Variants in ADAMTS16 observed in about 807,000 individuals in gnomAD.
ADAMTS16 encodes the protein ADAM metallopeptidase with thrombospondin type 1 motif 16.
ADAMTS16 carries 94 observed loss-of-function variants against 145.8 expected under a neutral mutation model. That is an observed-to-expected ratio of 0.64 (90% CI 0.55 to 0.77). The LOEUF is 0.77. ADAMTS16 is among the 30% of genes least tolerant of loss of function. The pLI, the probability that ADAMTS16 is intolerant of heterozygous loss-of-function variation, is 0.00. For synonymous variants in ADAMTS16, 659 were observed against 604.3 expected (o/e 1.09, Z -1.33); for missense variants, 1,585 against 1,591.5 (o/e 1.00, Z 0.07).
chr5:5,267,140 A>T (rs914721582), intron 18 of ADAMTS16, among the ~76,000 whole-genome samples: 3 of 152,044 alleles, frequency 2.0e-5, no homozygotes, highest in Non-Finnish European at 4.4e-5. Context: ...CACTGCTCAA[A>T]CCTCTAGGGG....
At chr5:5,209,270 C>G in intron 10 of ADAMTS16, 24 bp downstream of exon 10, 1 of 1,611,344 alleles carries the variant, frequency 6.2e-7, no homozygotes, top group East Asian at 2.2e-5. Context: ...GGCACATGCT[C>G]AATGCAACAT....
At chr5:5,151,405 A>G (rs1049258530) in intron 3 of ADAMTS16, among the ~76,000 whole-genome samples, 1 of 151,346 alleles carries the variant, frequency 6.6e-6, no homozygotes, top group African/African-American at 2.4e-5. Context: ...TGCCCAGCAA[A>G]TTTTTTGTGT....
chr5:5,312,197 C>T (rs907709686), intron 21 of ADAMTS16, among the ~76,000 whole-genome samples: 18 of 152,168 alleles, frequency 1.2e-4, no homozygotes, highest in Admixed American at 5.9e-4. Flanking sequence ...GGGCCAGCTC[C>T]ACCTCTGCTT....
At chr5:5,244,733 G>C (rs543189964) in intron 17 of ADAMTS16, among the ~76,000 whole-genome samples, 1 of 152,158 alleles carries the variant, frequency 6.6e-6, no homozygotes, top group Non-Finnish European at 1.5e-5. Flanking sequence ...CGTGTTCTTC[G>C]AACTTCCTGT....
intron 9 of ADAMTS16, among the ~76,000 whole-genome samples, chr5:5,205,524 T>G (rs1235347057): frequency 6.6e-6 from 1 of 152,236 alleles, no homozygotes; most frequent in African/African-American, 2.4e-5. Flanking sequence ...GCACCCACAC[T>G]TTTGGTGGTT....
At chr5:5,289,616 T>C (rs1018561417) in intron 18 of ADAMTS16, among the ~76,000 whole-genome samples, 1 of 152,230 alleles carries the variant, frequency 6.6e-6, no homozygotes, top group Non-Finnish European at 1.5e-5. Flanking sequence ...TATGTCCAGT[T>C]CGATTATTTA....
At position 5,319,727 on chromosome 5, in the gene ADAMTS16, G is replaced by A. The variant is rs572022006; in HGVS notation, c.*589G>A. On this transcript the variant is annotated 3_prime_UTR_variant, in exon 23 of 23. Coordinates refer to ENST00000274181, the MANE Select transcript of ADAMTS16 (RefSeq NM_139056.4). ...ACCTGGAGCCACCGCCGGAGCCAGC[G>A]TCATCTCTAGGGTCACTGGCCAGGG... 24 of 367,624 alleles carry A rather than the reference G, an allele frequency of 6.5e-5. No individual in the cohort carries two copies. Among genetic ancestry groups the A allele is most frequent in the African/African-American group, 1.9e-4 (9 of 46,320 alleles). 22.8% of individuals were successfully genotyped at this position (367,624 alleles called of 1,614,324 possible). A position where few individuals can be genotyped will look rare whatever the true frequency, so the allele number is the denominator to read the frequency against.
At chr5:5,242,338 G>C in intron 17 of ADAMTS16, 147 bp downstream of exon 17, 1 of 1,137,970 alleles carries the variant, frequency 8.8e-7, no homozygotes, top group Non-Finnish European at 1.2e-6. Context: ...GGGAGTGGTG[G>C]TCCTGAGTGT....
chr5:5,168,411 T>C (rs1188898547), intron 3 of ADAMTS16, among the ~76,000 whole-genome samples: 1 of 146,468 alleles, frequency 6.8e-6, no homozygotes, highest in Non-Finnish European at 1.5e-5. Context: ...GGTTTGCGGG[T>C]GGTCATTCTT....
Position 5,318,149 on chromosome 5 carries a change from G to A in ADAMTS16, c.3427G>A (p.Gly1143Arg), listed in dbSNP as rs983981187. The change falls in exon 22 of 23, where the codon GGG becomes AGG. Residue 1143 changes from glycine to arginine, a missense_variant. Coordinates refer to ENST00000274181, the MANE Select transcript of ADAMTS16 (RefSeq NM_139056.4). ...GCTCTCACAGTGCACGGCCAGCTGTGGGGGAGGCGTTCAGACGAGGTCCGT... is the reference window on the plus strand; with the variant it reads ...GCTCTCACAGTGCACGGCCAGCTGTAGGGGAGGCGTTCAGACGAGGTCCGT... ...SPWSQCTASC[G>R]GGVQTRSVQC... 6.7e-7 allele frequency: 1 copy of A among 1,492,566 alleles called. No homozygotes were observed. The highest frequency in any genetic ancestry group is 9.0e-7 in the Non-Finnish European group (1 of 1,115,336). The allele number at this position is 1,492,566 out of a possible 1,614,324, so 92.5% of individuals were successfully genotyped here.
At chr5:5,272,360 A>AAT (rs1553996633) in intron 18 of ADAMTS16, among the ~76,000 whole-genome samples, 1 of 122,508 alleles carries the variant, frequency 8.2e-6, no homozygotes, top group Non-Finnish European at 1.6e-5. Context: ...ATTCCAAAGG[A>AAT]TTTTTTTTTT....
Position 5,319,753 on chromosome 5 carries a change from G to A in ADAMTS16, c.*615G>A. 2.4e-6 allele frequency: 1 copy of A among 419,716 alleles called. No homozygotes were observed. 26.0% of individuals were successfully genotyped at this position (419,716 alleles called of 1,614,324 possible). On this transcript the variant is annotated 3_prime_UTR_variant, in exon 23 of 23. Transcript: ENST00000274181. ...TCATCTCTAGGGTCACTGGCCAGGG[G>A]ACTGCATTCTGGTTTGGGACTTTGC...
At chr5:5,290,697 T>C (rs16875264) in intron 18 of ADAMTS16, among the ~76,000 whole-genome samples, 4,210 of 152,256 alleles carry the variant, frequency 0.028, 79 homozygotes, top group East Asian at 0.066. Flanking sequence ...AAAATTCTTG[T>C]TTCCATGCTG....
intron 7 of ADAMTS16, 34 bp downstream of exon 7, chr5:5,190,164 G>A (rs1042417860): frequency 1.7e-5 from 26 of 1,536,208 alleles, no homozygotes; most frequent in Non-Finnish European, 2.2e-5. Flanking sequence ...AGGACCGTGT[G>A]TGGAATGTGC....
intron 21 of ADAMTS16, among the ~76,000 whole-genome samples, chr5:5,308,714 C>T (rs10068364): frequency 0.044 from 6,716 of 152,124 alleles, 234 homozygotes; most frequent in African/African-American, 0.091. Context: ...TTTGGGAGGC[C>T]GAGGCACGTG....
intron 2 of ADAMTS16, among the ~76,000 whole-genome samples, chr5:5,143,922 T>A (rs1362902064): frequency 6.6e-6 from 1 of 151,436 alleles, no homozygotes; most frequent in Non-Finnish European, 1.5e-5. Context: ...TAAGTGGGAG[T>A]TGAACACTGA....
chr5:5,223,614 A>C (rs897874885), intron 11 of ADAMTS16: 1 of 152,168 alleles, frequency 6.6e-6, no homozygotes, highest in Non-Finnish European at 1.5e-5. Context: ...ACAAATCTGC[A>C]CATGTACCCC....
chr5:5,166,859 G>T (rs1734898963), intron 3 of ADAMTS16, among the ~76,000 whole-genome samples: 1 of 152,150 alleles, frequency 6.6e-6, no homozygotes, highest in Non-Finnish European at 1.5e-5. Flanking sequence ...CATGTCAGTG[G>T]CTGCCACGTG....
chr5:5,239,635 G>GCTTTCTGGAA, intron 15 of ADAMTS16, 46 bp from the exon 16 acceptor site: 1 of 1,603,438 alleles, frequency 6.2e-7, no homozygotes, highest in Non-Finnish European at 8.5e-7. Context: ...TTTTGCCCCT[G>GCTTTCTGGAA]CTTTCTGGAA....
Sources: gnomAD v4.1 joint callset for allele counts (sites outside exome capture counted in the v4.1 genomes callset) on GRCh38, gnomAD v4.1.1 for gene constraint, MANE v1.5 for transcripts, NCBI Gene and HGNC (gene_info 2026-07-23, HGNC 2026-07-21) for gene names.